Variants in CELSR1 observed in about 807,000 individuals in gnomAD.
CELSR1 encodes the protein cadherin EGF LAG seven-pass G-type receptor 1, also known as adhesion G protein-coupled receptor C1.
A neutral mutation model predicts 249.1 loss-of-function variants in CELSR1; 110 were observed. The observed-to-expected ratio is 0.44, with a 90% confidence interval of 0.38 to 0.52. CELSR1 has a LOEUF of 0.52. Ranked by LOEUF, CELSR1 falls within the 20% of genes least tolerant of loss-of-function variation. The pLI, the probability that CELSR1 is intolerant of heterozygous loss-of-function variation, is 0.00. For missense variants in CELSR1, 4,109 were observed against 4,296.4 expected (o/e 0.96, Z 1.22); for synonymous variants, 2,113 against 1,900.0 (o/e 1.11, Z -2.92).
At position 46,361,207 on chromosome 22, in the gene CELSR1, C is replaced by CT. The variant is rs1285163426; in HGVS notation, c.*2015dup. The CT allele has an allele frequency of 6.6e-6, 1 of 152,546 alleles. No individual in the cohort carries two copies. The highest frequency in any genetic ancestry group is 6.5e-5 in the Admixed American group (1 of 15,280). 9.4% of individuals were successfully genotyped at this position (152,546 alleles called of 1,614,324 possible). Reference sequence around the variant, plus strand: ...CAAAAATCTTAATTTATTGTAGACTCTTCTCATTTGTAATTCCAGTGTTTT... The same window carrying CT: ...CAAAAATCTTAATTTATTGTAGACTCTTTCTCATTTGTAATTCCAGTGTTTT... On this transcript the variant is annotated 3_prime_UTR_variant, in exon 35 of 35. Transcript: ENST00000674500.
intron 27 of CELSR1, among the ~76,000 whole-genome samples, chr22:46,368,768 T>C (rs1187532618): frequency 1.3e-5 from 2 of 151,940 alleles, no homozygotes; most frequent in Non-Finnish European, 1.5e-5. Context: ...CCTGTTCCAC[T>C]GCACCCTCTG....
chr22:46,452,104 G>A (rs564968609), intron 2 of CELSR1, among the ~76,000 whole-genome samples: 5 of 152,252 alleles, frequency 3.3e-5, no homozygotes, highest in Non-Finnish European at 7.4e-5. Flanking sequence ...ACTGAGGGAA[G>A]GCATGTCTGT....
chr22:46,518,382 C>T lies in CELSR1; in HGVS notation c.3544+15245G>A, dbSNP rs1017281510. On this transcript the variant is annotated intron_variant, in intron 1 of 34. Coordinates refer to ENST00000674500, the MANE Select transcript of CELSR1 (RefSeq NM_001378328.1). This position sits in a 1 kb window ranked among gnomAD's most constrained non-coding sequence, Gnocchi z 5.2. ...TAGAGGAGAACGAAGGGAGTGGGCTCCCACAGACCACATTGCACTGCGACA... is the reference window on the plus strand; with the variant it reads ...TAGAGGAGAACGAAGGGAGTGGGCTTCCACAGACCACATTGCACTGCGACA... 1.3e-5 allele frequency among the ~76,000 whole-genome samples: 2 copies of T among 152,214 alleles called. No homozygotes were observed. Among genetic ancestry groups the T allele is most frequent in the Non-Finnish European group, 1.5e-5 (1 of 68,042 alleles).
intron 19 of CELSR1, among the ~76,000 whole-genome samples, chr22:46,385,388 CCCA>C (rs1468152943): frequency 2.6e-5 from 4 of 152,236 alleles, no homozygotes; most frequent in Non-Finnish European, 5.9e-5. Context: ...AACTACCACG[CCCA>C]GCTGACTGAC....
At chr22:46,487,552 G>A (rs2147686059) in intron 1 of CELSR1, among the ~76,000 whole-genome samples, 2 of 21,970 alleles carry the variant, frequency 9.1e-5, no homozygotes, top group East Asian at 1.0e-3. Flanking sequence ...AGTCCACGGT[G>A]CAGTGCAGGT....
Position 46,433,423 on chromosome 22 carries a change from C to G in CELSR1, c.4581G>C (p.Trp1527Cys). The change falls in exon 5 of 35, where the codon TGG (tryptophan) becomes TGC (cysteine). Residue 1527 changes from tryptophan to cysteine, a missense_variant. By Grantham distance (215) the Trp-to-Cys change is radical. Around this residue, in one of 7 missense-constraint regions of CELSR1, gnomAD observed 453 missense variants for 492.0 expected, o/e 0.92. Coordinates refer to ENST00000674500, the MANE Select transcript of CELSR1 (RefSeq NM_001378328.1). This position sits in a 1 kb window ranked among gnomAD's most constrained non-coding sequence, Gnocchi z 5.7. ...KVPSGVSDGRWHSVQVQYYNK... is the reference protein window; with the variant it reads ...KVPSGVSDGRCHSVQVQYYNK... The stretch of plus-strand genomic sequence containing the variant: ...TGTAGTACTGCACCTGCACAGAGTG[C>G]CACCGCCCGTCACTCACACCACTGG... 6.2e-7 allele frequency: 1 copy of G among 1,613,806 alleles called. No individual in the cohort carries two copies. The highest frequency in any genetic ancestry group is 8.5e-7 in the Non-Finnish European group (1 of 1,179,814).
At chr22:46,452,516 T>A (rs1317200450) in intron 2 of CELSR1, among the ~76,000 whole-genome samples, 3 of 152,028 alleles carry the variant, frequency 2.0e-5, no homozygotes, top group Non-Finnish European at 4.4e-5. Flanking sequence ...TAGGGGGCGG[T>A]CAGCCCTGCT....
At chr22:46,460,204 CACACACA>C (rs1569179875) in intron 2 of CELSR1, among the ~76,000 whole-genome samples, 15 of 130,878 alleles carry the variant, frequency 1.1e-4, no homozygotes, top group African/African-American at 2.8e-4. Flanking sequence ...CACACACACA[CACACACA>C]CACACCCATT....
At chr22:46,438,539 C>T (rs903536603) in intron 3 of CELSR1, among the ~76,000 whole-genome samples, 35 of 152,186 alleles carry the variant, frequency 2.3e-4, no homozygotes, top group African/African-American at 7.5e-4. Context: ...GTTTAGCCAC[C>T]GTCACACATA....
At chr22:46,491,465 A>G (rs2080366325) in intron 1 of CELSR1, among the ~76,000 whole-genome samples, 1 of 151,766 alleles carries the variant, frequency 6.6e-6, no homozygotes, top group Admixed American at 6.6e-5. Context: ...GGGTTTCACC[A>G]TATTGGCCAG....
chr22:46,415,647 G>A (rs927769740), intron 5 of CELSR1, among the ~76,000 whole-genome samples: 1 of 151,812 alleles, frequency 6.6e-6, no homozygotes, highest in African/African-American at 2.4e-5. Context: ...AAAGATTCCT[G>A]GGTGGGCATC....
intron 1 of CELSR1, among the ~76,000 whole-genome samples, chr22:46,499,927 C>T (rs1180772006): frequency 4.6e-5 from 7 of 152,164 alleles, no homozygotes; most frequent in African/African-American, 1.7e-4. Context: ...CTCCAGAACA[C>T]GCCAGGCTCC....
At chr22:46,385,154 G>A (rs146159640) in intron 19 of CELSR1, among the ~76,000 whole-genome samples, 57 of 152,216 alleles carry the variant, frequency 3.7e-4, no homozygotes, top group African/African-American at 1.3e-3. Flanking sequence ...GAGTGCAGTA[G>A]CACAATCTCA....
intron 24 of CELSR1, among the ~76,000 whole-genome samples, chr22:46,375,921 A>G (rs1412784699): frequency 6.6e-6 from 1 of 152,222 alleles, no homozygotes; most frequent in African/African-American, 2.4e-5. Flanking sequence ...TAATAATGAC[A>G]GCTTTGTTTC....
At chr22:46,507,534 C>T (rs999878000) in intron 1 of CELSR1, among the ~76,000 whole-genome samples, 4 of 152,156 alleles carry the variant, frequency 2.6e-5, no homozygotes, top group African/African-American at 9.7e-5. Context: ...TGCCCCAGGC[C>T]CCAACAGCCT....
chr22:46,410,450 G>A lies in CELSR1; in HGVS notation c.4881C>T (p.Asp1627=), dbSNP rs771465230. 41 of 1,614,054 alleles carry A rather than the reference G, an allele frequency of 2.5e-5. No homozygotes were observed. The highest frequency in any genetic ancestry group is 3.3e-4 in the Middle Eastern group (2 of 6,062). The change falls in exon 7 of 35, where the codon GAC becomes GAT. Residue 1627 remains aspartate, a synonymous_variant. Transcript: ENST00000674500. This position sits in a 1 kb window ranked among gnomAD's most constrained non-coding sequence, Gnocchi z 6.8. ...FVGCMRNLSV[D]GKNVDMAGFI... ...ATCCGGCCATGTCCACATTTTTGCC[G>A]TCGACTGACAGGTTCCGCATGCAGC... is the stretch of plus-strand genomic sequence containing the variant.
Position 46,482,320 on chromosome 22 carries a change from G to T in CELSR1, c.3545-17975C>A, listed in dbSNP as rs1333049907. 2.0e-5 allele frequency among the ~76,000 whole-genome samples: 3 copies of T among 152,292 alleles called. No homozygotes were observed. In the East Asian group the frequency reaches 5.8e-4, roughly 29 times the overall value. Reference sequence around the variant, plus strand: ...GGAGAAAGAGCTTATGGGGACAGAGGAAGTCAGGGGATTCTATGCTGCTGG... The same window carrying T: ...GGAGAAAGAGCTTATGGGGACAGAGTAAGTCAGGGGATTCTATGCTGCTGG... On this transcript the variant is annotated intron_variant, in intron 1 of 34. Coordinates refer to ENST00000674500, the MANE Select transcript of CELSR1 (RefSeq NM_001378328.1).
chr22:46,462,871 A>G (rs950201525), intron 2 of CELSR1: 1 of 465,100 alleles, frequency 2.2e-6, no homozygotes. Context: ...GTCAGGAGGT[A>G]TCAAGGAAAG....
At position 46,395,291 on chromosome 22, in the gene CELSR1, G is replaced by A. The variant is rs764873314; in HGVS notation, c.5844-1029C>T. 1.4e-4 allele frequency among the ~76,000 whole-genome samples: 21 copies of A among 152,122 alleles called. No homozygotes were observed. The highest frequency in any genetic ancestry group is 2.5e-4 in the Non-Finnish European group (17 of 68,020). Reference sequence around the variant, plus strand: ...CCCTGCTCCAAGCTGTGCTCCATGCGGCAGGTGGGGGTTCCCTAAGACCAG... The same window carrying A: ...CCCTGCTCCAAGCTGTGCTCCATGCAGCAGGTGGGGGTTCCCTAAGACCAG... On this transcript the variant is annotated intron_variant, in intron 13 of 34. Coordinates refer to ENST00000674500, the MANE Select transcript of CELSR1 (RefSeq NM_001378328.1). This position sits in a 1 kb window ranked among gnomAD's most constrained non-coding sequence, Gnocchi z 5.5.
Sources: gnomAD v4.1 joint callset for allele counts (sites outside exome capture counted in the v4.1 genomes callset) on GRCh38, gnomAD v4.1.1 for gene constraint, gnomAD v4.1.1 regional missense constraint, Gnocchi (gnomAD v3.1) non-coding constraint, MANE v1.5 for transcripts, NCBI Gene and HGNC (gene_info 2026-07-23, HGNC 2026-07-21) for gene names.